The following SH3BP4 variants were observed in gnomAD, a reference collection of about 807,000 sequenced individuals.
SH3BP4 encodes SH3 domain binding protein 4.
A neutral mutation model predicts 65.5 loss-of-function variants in SH3BP4; 33 were observed. That is an observed-to-expected ratio of 0.50 (90% CI 0.38 to 0.67). SH3BP4 has a LOEUF of 0.67. SH3BP4 is among the 30% of genes least tolerant of loss of function. SH3BP4 has a pLI of 0.00. For synonymous variants in SH3BP4, 552 were observed against 545.5 expected (o/e 1.01, Z -0.17); for missense variants, 1,134 against 1,261.4 (o/e 0.90, Z 1.53).
chr2:234,979,260 A>G (rs542719398), intron 1 of SH3BP4, among the ~76,000 whole-genome samples: 1 of 152,294 alleles, frequency 6.6e-6, no homozygotes, highest in East Asian at 1.9e-4. Flanking sequence ...GCCCCTCCCA[A>G]TCCCAGCTTC....
intron 2 of SH3BP4, among the ~76,000 whole-genome samples, chr2:235,028,813 C>G (rs997074872): frequency 3.3e-5 from 5 of 152,166 alleles, no homozygotes; most frequent in African/African-American, 1.2e-4. Flanking sequence ...AGGCTGGGGC[C>G]TTCTGGGCTG....
At chr2:234,996,766 C>T (rs1295113308) in intron 2 of SH3BP4, among the ~76,000 whole-genome samples, 1 of 152,172 alleles carries the variant, frequency 6.6e-6, no homozygotes, top group South Asian at 2.1e-4. Context: ...GGAGAGACAC[C>T]AGGGGGTTGT....
chr2:235,011,293 C>G (rs573393031), intron 2 of SH3BP4, among the ~76,000 whole-genome samples: 4 of 152,126 alleles, frequency 2.6e-5, no homozygotes, highest in African/African-American at 9.7e-5. Context: ...CTTAAAGCCA[C>G]GTTCCTTCAA....
chr2:234,957,437 C>T (rs1489643249), intron 1 of SH3BP4, among the ~76,000 whole-genome samples: 1 of 151,788 alleles, frequency 6.6e-6, no homozygotes, highest in Non-Finnish European at 1.5e-5. Flanking sequence ...ACACGACACC[C>T]CTGCTTCCCC....
At chr2:235,011,058 C>A (rs1461839535) in intron 2 of SH3BP4, among the ~76,000 whole-genome samples, 1 of 148,806 alleles carries the variant, frequency 6.7e-6, no homozygotes, top group Non-Finnish European at 1.5e-5. Flanking sequence ...ACCTTCCTCC[C>A]TCTCCTAGGA....
intron 4 of SH3BP4, among the ~76,000 whole-genome samples, chr2:235,051,246 CCA>C (rs1696042556): frequency 6.6e-6 from 1 of 152,176 alleles, no homozygotes; most frequent in South Asian, 2.1e-4. Context: ...TGCATGACAC[CCA>C]GTGGCAGTCA....
At position 234,974,551 on chromosome 2, in the gene SH3BP4, C is replaced by A. The variant is rs577615906; in HGVS notation, c.-206-20752C>A. Among the ~76,000 whole-genome samples the A allele has an allele frequency of 5.9e-5, 9 of 152,090 alleles. No homozygotes were observed. Among genetic ancestry groups the A allele is most frequent in the Non-Finnish European group, 7.4e-5 (5 of 68,014 alleles). On this transcript the variant is annotated intron_variant, in intron 1 of 5. Transcript: ENST00000392011. This position sits in a 1 kb window ranked among gnomAD's most constrained non-coding sequence, Gnocchi z 4.6. ...AGGATGTGCTGAGTCCACTTGGAAG[C>A]CCAGAAAAAGCTTCTGTGTTTAGCC...
At chr2:235,016,477 A>G (rs1694687311) in intron 2 of SH3BP4, among the ~76,000 whole-genome samples, 1 of 151,964 alleles carries the variant, frequency 6.6e-6, no homozygotes, top group South Asian at 2.1e-4. Flanking sequence ...CGCCCTCAGC[A>G]CCACCGCCCA....
intron 3 of SH3BP4, among the ~76,000 whole-genome samples, chr2:235,037,855 G>C (rs1010627344): frequency 6.6e-6 from 1 of 151,944 alleles, no homozygotes. Flanking sequence ...TTCTTTCACA[G>C]GTTTTGGTTC....
intron 1 of SH3BP4, among the ~76,000 whole-genome samples, chr2:234,975,036 C>T (rs934583852): frequency 1.6e-4 from 24 of 152,302 alleles, no homozygotes; most frequent in Admixed American, 6.5e-4. Context: ...TTGCAATTCT[C>T]GGAGTTTCAG....
Position 235,052,809 on chromosome 2 carries a change from C to G in SH3BP4, c.2667+59C>G. Reference sequence around the variant, plus strand: ...CCCTCTGTCCCTGGGTTCCGTGGACCCATGCAGTGCAGCCATAAAAAGTCT... The same window carrying G: ...CCCTCTGTCCCTGGGTTCCGTGGACGCATGCAGTGCAGCCATAAAAAGTCT... On this transcript the variant is annotated intron_variant, in intron 5 of 5. Transcript: ENST00000392011. The surrounding 1 kb of genome is among the most constrained non-coding windows in gnomAD (Gnocchi z 5.0). 1 of 1,435,734 alleles carries G rather than the reference C, an allele frequency of 7.0e-7. No individual in the cohort carries two copies. The highest frequency in any genetic ancestry group is 1.3e-5 in the South Asian group (1 of 75,864). The allele number at this position is 1,435,734 out of a possible 1,614,324, so 88.9% of individuals were successfully genotyped here.
Position 235,053,763 on chromosome 2 carries a change from G to A in SH3BP4, c.2839G>A (p.Val947Ile), listed in dbSNP as rs758984025. The A allele has an allele frequency of 1.5e-5, 24 of 1,614,096 alleles. No individual in the cohort carries two copies. The highest frequency in any genetic ancestry group is 6.6e-5 in the South Asian group (6 of 91,090). The change falls in exon 6 of 6, where the codon GTT becomes ATT. Residue 947 changes from valine (V) to isoleucine (I), a missense_variant. Transcript: ENST00000392011. ...GTLILVNSLD[V>I]LRAAAFSPAD... is the part of the protein sequence containing the mutation. ...TCTGATCTTGGTGAACTCCCTGGAC[G>A]TTCTGAGAGCAGCCGCCTTCAGCCC...
intron 1 of SH3BP4, among the ~76,000 whole-genome samples, chr2:234,972,006 G>A (rs1286610317): frequency 1.3e-5 from 2 of 151,472 alleles, no homozygotes; most frequent in South Asian, 2.1e-4. Context: ...TAGTAGAGAC[G>A]GGGTTTCACC....
chr2:234,973,997 C>A (rs1057513488), intron 1 of SH3BP4, among the ~76,000 whole-genome samples: 5 of 152,062 alleles, frequency 3.3e-5, no homozygotes, highest in Admixed American at 2.6e-4. Flanking sequence ...TCCAAGTGCT[C>A]CGGGTCTAGT....
At position 234,976,889 on chromosome 2, in the gene SH3BP4, G is replaced by A. The variant is rs549940202; in HGVS notation, c.-206-18414G>A. Among the ~76,000 whole-genome samples, 18 of 152,334 alleles carry A rather than the reference G, an allele frequency of 1.2e-4. No homozygotes were observed. The South Asian group carries it at 3.7e-3, about 32-fold the overall frequency. On this transcript the variant is annotated intron_variant, in intron 1 of 5. Coordinates refer to ENST00000392011, the MANE Select transcript of SH3BP4 (RefSeq NM_014521.3). This position sits in a 1 kb window ranked among gnomAD's most constrained non-coding sequence, Gnocchi z 4.7. ...GAGACACGACACCTAATGTCATGTGGTGATCTGGATGGGATCCTGGAACAG... is the reference window on the plus strand; with the variant it reads ...GAGACACGACACCTAATGTCATGTGATGATCTGGATGGGATCCTGGAACAG...
chr2:234,969,489 TTCTC>T (rs1158902825), intron 1 of SH3BP4, among the ~76,000 whole-genome samples: 1 of 152,170 alleles, frequency 6.6e-6, no homozygotes, highest in Non-Finnish European at 1.5e-5. Context: ...CATTCGTTGA[TTCTC>T]TCAGCAGACA....
intron 2 of SH3BP4, among the ~76,000 whole-genome samples, chr2:235,001,870 A>T (rs1379811119): frequency 6.6e-6 from 1 of 151,592 alleles, no homozygotes; most frequent in Non-Finnish European, 1.5e-5. Flanking sequence ...TTTGTTTTTT[A>T]TTTTTTTTGA....
chr2:234,994,499 G>C (rs994008220), intron 1 of SH3BP4: 4 of 152,058 alleles, frequency 2.6e-5, no homozygotes, highest in African/African-American at 7.3e-5. Context: ...TCAGCCTGAG[G>C]GGGAGGGCGT....
At chr2:235,018,448 A>G (rs1009535606) in intron 2 of SH3BP4, among the ~76,000 whole-genome samples, 1 of 152,028 alleles carries the variant, frequency 6.6e-6, no homozygotes, top group Non-Finnish European at 1.5e-5. Context: ...CTTAAACACC[A>G]ATGTTAGTTA....
Sources: allele counts gnomAD v4.1 joint callset (sites outside exome capture counted in the v4.1 genomes callset), GRCh38; gene constraint gnomAD v4.1.1; non-coding constraint Gnocchi (gnomAD v3.1); transcripts MANE v1.5; gene names NCBI Gene and HGNC (gene_info 2026-07-23, HGNC 2026-07-21).